The following PRKG1 variants were observed in gnomAD, a reference collection of about 807,000 sequenced individuals.
PRKG1 encodes cGMP-dependent protein kinase 1.
In PRKG1, 35 loss-of-function variants were observed where a neutral mutation model predicts 88.1. The ratio of observed to expected loss-of-function variants is 0.40; its 90% confidence interval spans 0.30 to 0.53. PRKG1 has a LOEUF of 0.53. PRKG1 is among the 20% of genes least tolerant of loss of function. The pLI, the probability that PRKG1 is intolerant of heterozygous loss-of-function variation, is 0.59. For missense variants in PRKG1, 540 were observed against 839.8 expected (o/e 0.64, Z 4.41); for synonymous variants, 303 against 292.5 (o/e 1.04, Z -0.37).
chr10:51,495,396 T>G (rs1345516701), intron 3 of PRKG1, among the ~76,000 whole-genome samples: 1 of 152,148 alleles, frequency 6.6e-6, no homozygotes, highest in Admixed American at 6.6e-5. Flanking sequence ...CACCCGACCC[T>G]GAATCTTTCA....
At chr10:51,667,821 A>G (rs1347209455) in intron 3 of PRKG1, among the ~76,000 whole-genome samples, 1 of 152,146 alleles carries the variant, frequency 6.6e-6, no homozygotes, top group Non-Finnish European at 1.5e-5. Flanking sequence ...AGCTCTGACT[A>G]TTTTGAGCTC....
intron 9 of PRKG1, among the ~76,000 whole-genome samples, chr10:52,179,019 A>C (rs770569130): frequency 4.6e-5 from 7 of 151,586 alleles, no homozygotes; most frequent in Non-Finnish European, 1.0e-4. Context: ...TATTATTGAC[A>C]GGTGAAGACT....
intron 4 of PRKG1, among the ~76,000 whole-genome samples, chr10:51,845,103 T>C (rs1404761501): frequency 1.3e-5 from 2 of 152,210 alleles, no homozygotes; most frequent in African/African-American, 4.8e-5. Context: ...GACCTCAAAA[T>C]ATCCTTGAGG....
chr10:51,385,184 A>C (rs1045431607), intron 2 of PRKG1, among the ~76,000 whole-genome samples: 5 of 152,180 alleles, frequency 3.3e-5, no homozygotes, highest in Admixed American at 3.3e-4. Context: ...ATTATGTGTT[A>C]TCAGAAAAAA....
intron 9 of PRKG1, among the ~76,000 whole-genome samples, chr10:52,180,734 A>G (rs943442210): frequency 1.3e-5 from 2 of 152,084 alleles, no homozygotes; most frequent in Non-Finnish European, 2.9e-5. Flanking sequence ...TCGGCTTGTC[A>G]GGCTGTTTCT....
At chr10:51,150,114 G>T (rs2131969687) in intron 1 of PRKG1, among the ~76,000 whole-genome samples, 1 of 152,102 alleles carries the variant, frequency 6.6e-6, no homozygotes, top group South Asian at 2.1e-4. Context: ...GATCTTTGTG[G>T]TTGCTTCTTA....
At chr10:51,218,399 T>C (rs1001159623) in intron 2 of PRKG1, among the ~76,000 whole-genome samples, 120 of 150,802 alleles carry the variant, frequency 8.0e-4, no homozygotes, top group African/African-American at 2.9e-3. Context: ...TGGAATTTCC[T>C]TGTTTAAATT....
chr10:51,657,784 C>T (rs1840197937), intron 3 of PRKG1, among the ~76,000 whole-genome samples: 1 of 152,038 alleles, frequency 6.6e-6, no homozygotes, highest in African/African-American at 2.4e-5. Context: ...AACAGGCTTC[C>T]AACAGGAGAA....
At chr10:51,160,844 A>G (rs932725182) in intron 2 of PRKG1, among the ~76,000 whole-genome samples, 1 of 151,410 alleles carries the variant, frequency 6.6e-6, no homozygotes, top group African/African-American at 2.4e-5. Flanking sequence ...ATGTTTTTAA[A>G]GAAATCCTCT....
chr10:51,985,905 T>C (rs1050977638), intron 5 of PRKG1, among the ~76,000 whole-genome samples: 2 of 152,224 alleles, frequency 1.3e-5, no homozygotes, highest in African/African-American at 4.8e-5. Context: ...ATGCATTTAA[T>C]ACACGTAGCC....
At chr10:52,065,132 A>G (rs1846326776) in intron 7 of PRKG1, among the ~76,000 whole-genome samples, 1 of 152,194 alleles carries the variant, frequency 6.6e-6, no homozygotes, top group Non-Finnish European at 1.5e-5. Flanking sequence ...ACTTTTTACC[A>G]TGCATTTTAC....
chr10:52,077,462 G>T (rs2133297557), intron 7 of PRKG1, among the ~76,000 whole-genome samples: 1 of 152,278 alleles, frequency 6.6e-6, no homozygotes, highest in East Asian at 1.9e-4. Context: ...GCAGGAGACA[G>T]AGATTATAAA....
At chr10:51,549,065 G>A (rs1368286209) in intron 3 of PRKG1, among the ~76,000 whole-genome samples, 1 of 149,376 alleles carries the variant, frequency 6.7e-6, no homozygotes, top group Admixed American at 6.7e-5. Context: ...TTGTCCTTCA[G>A]ACCTTGGGAT....
At chr10:51,179,145 T>C (rs911854319) in intron 2 of PRKG1, among the ~76,000 whole-genome samples, 4 of 152,174 alleles carry the variant, frequency 2.6e-5, no homozygotes, top group African/African-American at 9.7e-5. Context: ...AATATGTAAA[T>C]TGGTGCTCAG....
intron 3 of PRKG1, among the ~76,000 whole-genome samples, chr10:51,700,166 T>G (rs1841427952): frequency 6.6e-6 from 1 of 152,208 alleles, no homozygotes; most frequent in Non-Finnish European, 1.5e-5. Flanking sequence ...TTTTTGGAAA[T>G]TAACTGACAA....
intron 9 of PRKG1, among the ~76,000 whole-genome samples, chr10:52,185,869 A>C (rs975908928): frequency 1.1e-4 from 17 of 152,212 alleles, no homozygotes; most frequent in African/African-American, 4.1e-4. Flanking sequence ...GAGCCAGAGC[A>C]GCCAGGATGC....
intron 3 of PRKG1, among the ~76,000 whole-genome samples, chr10:51,586,060 C>T (rs551087433): frequency 6.6e-6 from 1 of 152,062 alleles, no homozygotes; most frequent in Admixed American, 6.6e-5. Flanking sequence ...ATCAATGATA[C>T]CCCAAGCCTC....
At chr10:52,090,558 C>A (rs189482813) in intron 7 of PRKG1, among the ~76,000 whole-genome samples, 150 of 152,188 alleles carry the variant, frequency 9.9e-4, no homozygotes, top group Admixed American at 4.1e-3. Flanking sequence ...TTGCTGCAGG[C>A]AAGATCCACT....
At chr10:51,210,865 A>G (rs1771729075) in intron 2 of PRKG1, among the ~76,000 whole-genome samples, 1 of 152,208 alleles carries the variant, frequency 6.6e-6, no homozygotes, top group Non-Finnish European at 1.5e-5. Flanking sequence ...ATGGATTCAC[A>G]GCCGAATTCT....
Sources: gnomAD v4.1 joint callset for allele counts (sites outside exome capture counted in the v4.1 genomes callset) on GRCh38, gnomAD v4.1.1 for gene constraint, MANE v1.5 for transcripts, NCBI Gene and HGNC (gene_info 2026-07-23, HGNC 2026-07-21) for gene names.